Variants in SLFN5 observed in about 807,000 individuals in gnomAD.
SLFN5 encodes the protein schlafen family member 5.
SLFN5 carries 34 observed loss-of-function variants against 48.5 expected under a neutral mutation model. The observed-to-expected ratio is 0.70, with a 90% CI of 0.53 to 0.93. SLFN5 has a LOEUF of 0.93. SLFN5 is among the 40% of genes least tolerant of loss of function. The probability of loss-of-function intolerance (pLI) is 0.00; values close to 1 mark genes in which losing one functional copy is unlikely to be tolerated. For missense variants in SLFN5, 1,006 were observed against 1,071.3 expected, an observed-to-expected ratio of 0.94 and a Z score of 0.85; for synonymous variants, 387 against 396.2, an observed-to-expected ratio of 0.98 and a Z score of 0.28.
At chr17:35,249,414 T>C (rs887239472) in intron 1 of SLFN5, among the ~76,000 whole-genome samples, 4 of 152,208 alleles carry the variant, frequency 2.6e-5, no homozygotes, top group Non-Finnish European at 5.9e-5. Context: ...AAGGAGAAAC[T>C]ACCCAATAGT....
intron 1 of SLFN5, among the ~76,000 whole-genome samples, chr17:35,247,502 C>T (rs1278253089): frequency 6.6e-6 from 1 of 152,202 alleles, no homozygotes; most frequent in Non-Finnish European, 1.5e-5. Flanking sequence ...TACAGAGGCA[C>T]CTTGCACCTT....
At position 35,264,468 on chromosome 17, in the gene SLFN5, AGCAGAAGC is replaced by A; in HGVS notation, c.1425_1432del (p.Lys475AsnfsTer23). On this transcript the variant is annotated frameshift_variant, in exon 4 of 5. Transcript: ENST00000299977. LOFTEE classifies it high-confidence loss of function. ...TCTATGATAGTTGCCTATTCTTTGA[AGCAGAAGC>A]TGGTGAACAAAGGCGGCTACACTGG... is the stretch of plus-strand genomic sequence containing the variant. 1.2e-6 allele frequency: 2 copies of A among 1,614,176 alleles called. No homozygotes were observed. Among genetic ancestry groups the A allele is most frequent in the Non-Finnish European group, 1.7e-6 (2 of 1,180,022 alleles).
At chr17:35,244,336 G>A (rs1056642245) in intron 1 of SLFN5, among the ~76,000 whole-genome samples, 13 of 152,252 alleles carry the variant, frequency 8.5e-5, no homozygotes, top group African/African-American at 3.1e-4. Flanking sequence ...GTGCAGGCAG[G>A]AAGGGATGCT....
chr17:35,245,062 T>C (rs2092427638), intron 1 of SLFN5, among the ~76,000 whole-genome samples: 1 of 152,220 alleles, frequency 6.6e-6, no homozygotes, highest in South Asian at 2.1e-4. Context: ...CCTAAGTTGA[T>C]GCCTAAAACC....
At position 35,271,354 on chromosome 17, in the gene SLFN5, G is replaced by T. The variant is rs1459430533; in HGVS notation, c.*5466G>T. ...AAAAATGAATTGAGAAGAAAGTAGT[G>T]GTTTTAAGAAGGAAAGGAGAACAAA... On this transcript the variant is annotated 3_prime_UTR_variant, in exon 5 of 5. Coordinates refer to ENST00000299977, the MANE Select transcript of SLFN5 (RefSeq NM_144975.4). 6.6e-6 allele frequency: 1 copy of T among 152,102 alleles called. No individual in the cohort carries two copies. The highest frequency in any genetic ancestry group is 3.4e-3 in the Middle Eastern group (1 of 294). 9.4% of individuals were successfully genotyped at this position (152,102 alleles called of 1,614,324 possible). A position where few individuals can be genotyped will look rare whatever the true frequency, so the allele number is the denominator to read the frequency against.
Position 35,264,514 on chromosome 17 carries a change from C to CA in SLFN5, c.1471dup (p.Thr491AsnfsTer10), listed in dbSNP as rs1351294624. 6.2e-7 allele frequency: 1 copy of CA among 1,614,054 alleles called. No homozygotes were observed. The highest frequency in any genetic ancestry group is 1.1e-5 in the South Asian group (1 of 91,072). On this transcript the variant is annotated frameshift_variant, in exon 4 of 5. Transcript: ENST00000299977. LOFTEE classifies it high-confidence loss of function. ...GCGGCTACACTGGGAGGTTATGCAT[C>CA]ACCCCCTTGGTCTGTGTGCTGAATT...
At chr17:35,256,075 T>TA (rs1404612467) in intron 1 of SLFN5, among the ~76,000 whole-genome samples, 2 of 152,378 alleles carry the variant, frequency 1.3e-5, no homozygotes, top group African/African-American at 4.8e-5. Context: ...ATAGTGCATG[T>TA]AGGCTGGGCG....
At chr17:35,255,026 AAAAT>A (rs2092451135) in intron 1 of SLFN5, among the ~76,000 whole-genome samples, 1 of 152,178 alleles carries the variant, frequency 6.6e-6, no homozygotes, top group Non-Finnish European at 1.5e-5. Context: ...CAAAAAAATC[AAAAT>A]AAATAAATAA....
Position 35,264,459 on chromosome 17 carries a change from A to G in SLFN5, c.1415A>G (p.Tyr472Cys), listed in dbSNP as rs145462523. ...GCKGYSMIVAYSLKQKLVNKG... is the reference protein window; with the variant it reads ...GCKGYSMIVACSLKQKLVNKG... ...AAGGGCTATTCTATGATAGTTGCCTATTCTTTGAAGCAGAAGCTGGTGAAC... is the reference window on the plus strand; with the variant it reads ...AAGGGCTATTCTATGATAGTTGCCTGTTCTTTGAAGCAGAAGCTGGTGAAC... Residue 472 changes from tyrosine (Y) to cysteine (C), a missense_variant, in exon 4 of 5, where the codon TAT becomes TGT. Transcript: ENST00000299977. The G allele has an allele frequency of 1.9e-6, 3 of 1,614,062 alleles. No homozygotes were observed. Among genetic ancestry groups the G allele is most frequent in the African/African-American group, 2.7e-5 (2 of 74,914 alleles).
chr17:35,243,261 C>G (rs2092423127), intron 1 of SLFN5, 118 bp downstream of exon 1: 1 of 152,320 alleles, frequency 6.6e-6, no homozygotes. Context: ...CTCCCCAGGT[C>G]TGGGCGCTGC....
Position 35,264,605 on chromosome 17 carries a change from A to G in SLFN5, c.1561A>G (p.Met521Val), listed in dbSNP as rs376263204. 11 of 1,614,066 alleles carry G rather than the reference A, an allele frequency of 6.8e-6. No individual in the cohort carries two copies. In the African/African-American group the frequency reaches 1.1e-4, roughly 16 times the overall value. Residue 521 changes from methionine (M) to valine (V), a missense_variant, in exon 4 of 5, where the codon ATG becomes GTG. Transcript: ENST00000299977. ...LQIYPESYNF[M>V]TPQHMEALLQ... Reference sequence around the variant, plus strand: ...AATTTACCCTGAATCCTATAACTTCATGACCCCCCAGCACATGGAAGCCCT... The same window carrying G: ...AATTTACCCTGAATCCTATAACTTCGTGACCCCCCAGCACATGGAAGCCCT...
At position 35,269,154 on chromosome 17, in the gene SLFN5, A is replaced by C. The variant is rs1473195082; in HGVS notation, c.*3266A>C. ...TTAGGGAAACAAATTTTGACCTAAA[A>C]ATATTAAACCTAGTCAAAATATTAT... On this transcript the variant is annotated 3_prime_UTR_variant, in exon 5 of 5. Coordinates refer to ENST00000299977, the MANE Select transcript of SLFN5 (RefSeq NM_144975.4). 1.3e-5 allele frequency: 2 copies of C among 152,216 alleles called. No individual in the cohort carries two copies. Among genetic ancestry groups the C allele is most frequent in the African/African-American group, 4.8e-5 (2 of 41,458 alleles). The allele number at this position is 152,216 out of a possible 1,614,324, so 9.4% of individuals were successfully genotyped here. A position where few individuals can be genotyped will look rare whatever the true frequency, so the allele number is the denominator to read the frequency against.
chr17:35,262,825 T>C (rs945886332), intron 3 of SLFN5, among the ~76,000 whole-genome samples: 4 of 152,050 alleles, frequency 2.6e-5, no homozygotes, highest in Admixed American at 2.6e-4. Context: ...GATCATACCA[T>C]TGTACCCCAG....
intron 3 of SLFN5, among the ~76,000 whole-genome samples, chr17:35,263,516 A>G (rs1258953019): frequency 6.6e-6 from 1 of 152,128 alleles, no homozygotes; most frequent in African/African-American, 2.4e-5. Flanking sequence ...ACTAACTCCA[A>G]GTCATCCTTT....
At chr17:35,246,182 G>A (rs1567787282) in intron 1 of SLFN5, among the ~76,000 whole-genome samples, 1 of 151,976 alleles carries the variant, frequency 6.6e-6, no homozygotes, top group Non-Finnish European at 1.5e-5. Context: ...TTTAAATTGG[G>A]TTTTTTTATC....
At chr17:35,255,728 A>T (rs960732229) in intron 1 of SLFN5, among the ~76,000 whole-genome samples, 6 of 152,220 alleles carry the variant, frequency 3.9e-5, no homozygotes, top group Admixed American at 2.6e-4. Flanking sequence ...ATAAAACTTT[A>T]TTACATAGTT....
Position 35,264,790 on chromosome 17 carries a change from A to G in SLFN5, c.1746A>G (p.Ser582=). The G allele has an allele frequency of 6.3e-7, 1 of 1,595,922 alleles. No individual in the cohort carries two copies. Among genetic ancestry groups the G allele is most frequent in the South Asian group, 1.1e-5 (1 of 87,474 alleles). ...TGTTTGTTCATGGCTTACCTGGATC[A>G]GGGAAGACTATCTTGGCTCTTAGGA... ...RELFVHGLPG[S]GKTILALRIM... The change falls in exon 4 of 5, where the codon TCA becomes TCG. Residue 582 remains serine (S), a synonymous_variant. Coordinates refer to ENST00000299977, the MANE Select transcript of SLFN5 (RefSeq NM_144975.4).
chr17:35,259,724 T>C (rs372169223), intron 2 of SLFN5, 22 bp downstream of exon 2: 60 of 1,593,390 alleles, frequency 3.8e-5, no homozygotes, highest in Non-Finnish European at 4.9e-5. Flanking sequence ...ATATCCACAA[T>C]GGTTGTAATG....
Position 35,265,762 on chromosome 17 carries a change from C to A in SLFN5, c.2550C>A (p.Gly850=), listed in dbSNP as rs557942459. The change falls in exon 5 of 5, where the codon GGC becomes GGA. Residue 850 remains glycine (G), a synonymous_variant. Coordinates refer to ENST00000299977, the MANE Select transcript of SLFN5 (RefSeq NM_144975.4). ...IVLDSVCRFS[G]LERNIVFGIN... is the part of the protein sequence containing the mutation. ...TGGACAGTGTCTGTCGATTTTCAGGCCTGGAAAGAAATATCGTGTTTGGAA... is the reference window on the plus strand; with the variant it reads ...TGGACAGTGTCTGTCGATTTTCAGGACTGGAAAGAAATATCGTGTTTGGAA... 5.6e-6 allele frequency: 9 copies of A among 1,614,052 alleles called. No individual in the cohort carries two copies. In the East Asian group the frequency reaches 1.8e-4, roughly 32 times the overall value.
Sources: gnomAD v4.1 joint callset for allele counts (sites outside exome capture counted in the v4.1 genomes callset) on GRCh38, gnomAD v4.1.1 for gene constraint, MANE v1.5 for transcripts, NCBI Gene and HGNC (gene_info 2026-07-23, HGNC 2026-07-21) for gene names.